The following BARD1 variants were observed in gnomAD, a reference collection of about 807,000 sequenced individuals.
The protein encoded by BARD1 is BRCA1 associated RING domain 1, also known as BRCA1-associated RING domain protein 1.
A neutral mutation model predicts 77.0 loss-of-function variants in BARD1; 73 were observed. The observed-to-expected ratio is 0.95, with a 90% CI of 0.79 to 1.15. The LOEUF (loss-of-function observed/expected upper bound fraction) is 1.15. Ranked by LOEUF, BARD1 falls within the 50% of genes most tolerant of loss-of-function variation. BARD1 has a pLI of 0.00. For missense variants in BARD1, 993 were observed against 938.8 expected (o/e 1.06, Z -0.75); for synonymous variants, 384 against 338.0 (o/e 1.14, Z -1.49).
chr2:214,744,920 C>T (rs577491078), intron 9 of BARD1, 147 bp downstream of exon 9: 4 of 748,936 alleles, frequency 5.3e-6, no homozygotes, highest in African/African-American at 1.7e-5. Context: ...CTTGAGCCAC[C>T]ACGCCCAGCC....
intron 6 of BARD1, among the ~76,000 whole-genome samples, chr2:214,755,570 A>C (rs909248853): frequency 1.3e-5 from 2 of 152,196 alleles, no homozygotes; most frequent in Non-Finnish European, 2.9e-5. Flanking sequence ...GAAATAGAAG[A>C]TAAGATTTAA....
At chr2:214,773,284 G>A (rs370426353) in intron 4 of BARD1, among the ~76,000 whole-genome samples, 101 of 152,230 alleles carry the variant, frequency 6.6e-4, no homozygotes, top group African/African-American at 2.4e-3. Flanking sequence ...TTACAATTAA[G>A]TATAAGACAA....
chr2:214,792,200 C>A, intron 3 of BARD1, 97 bp downstream of exon 3: 1 of 1,111,370 alleles, frequency 9.0e-7, no homozygotes, highest in Non-Finnish European at 1.3e-6. Context: ...AATACGTATT[C>A]CAGAACTCCA....
chr2:214,763,700 G>A (rs570060453), intron 6 of BARD1, among the ~76,000 whole-genome samples: 2 of 152,300 alleles, frequency 1.3e-5, no homozygotes, highest in East Asian at 1.9e-4. Context: ...TCCAGCAAGA[G>A]TAAGAGATAC....
intron 6 of BARD1, among the ~76,000 whole-genome samples, chr2:214,766,526 G>T (rs1002047060): frequency 6.6e-6 from 1 of 152,024 alleles, no homozygotes; most frequent in African/African-American, 2.4e-5. Context: ...TTCCAAAATT[G>T]ACAACTGTTT....
intron 1 of BARD1, among the ~76,000 whole-genome samples, chr2:214,807,430 C>T (rs1184168132): frequency 1.3e-5 from 2 of 152,202 alleles, no homozygotes; most frequent in Non-Finnish European, 2.9e-5. Context: ...TATATATTAT[C>T]TATTTTGTCT....
chr2:214,792,218 G>A, intron 3 of BARD1, 79 bp downstream of exon 3: 1 of 1,296,192 alleles, frequency 7.7e-7, no homozygotes, highest in Non-Finnish European at 1.1e-6. Flanking sequence ...CCAGATAGAT[G>A]TTTTATATAC....
chr2:214,801,227 G>T (rs966850631), intron 1 of BARD1, among the ~76,000 whole-genome samples: 2 of 151,808 alleles, frequency 1.3e-5, no homozygotes, highest in African/African-American at 4.8e-5. Flanking sequence ...TACAGCAAAA[G>T]ACCACAAACA....
At chr2:214,798,002 C>G (rs1044782032) in intron 1 of BARD1, among the ~76,000 whole-genome samples, 54 of 152,052 alleles carry the variant, frequency 3.6e-4, no homozygotes, top group African/African-American at 1.3e-3. Context: ...AGAAGTAAAG[C>G]CTTTTAAATG....
At chr2:214,740,507 T>C (rs1445312268) in intron 9 of BARD1, among the ~76,000 whole-genome samples, 1 of 152,104 alleles carries the variant, frequency 6.6e-6, no homozygotes, top group South Asian at 2.1e-4. Context: ...TTACTGCTCT[T>C]TGATTATTTT....
intron 4 of BARD1, among the ~76,000 whole-genome samples, chr2:214,777,993 C>T (rs551593031): frequency 9.9e-5 from 15 of 152,144 alleles, no homozygotes; most frequent in Middle Eastern, 3.4e-3. Context: ...GTGAGGAGTT[C>T]GAGACCAGCC....
At chr2:214,799,844 C>T (rs1695937138) in intron 1 of BARD1, among the ~76,000 whole-genome samples, 1 of 152,202 alleles carries the variant, frequency 6.6e-6, no homozygotes, top group African/African-American at 2.4e-5. Context: ...AGCTTTAACT[C>T]CCTCCACTCT....
At chr2:214,778,337 C>G (rs1272127850) in intron 4 of BARD1, among the ~76,000 whole-genome samples, 1 of 151,850 alleles carries the variant, frequency 6.6e-6, no homozygotes, top group Admixed American at 6.6e-5. Flanking sequence ...TAAAAGGACA[C>G]TATTAATTGG....
chr2:214,767,441 T>C, intron 6 of BARD1, 41 bp downstream of exon 6: 2 of 1,580,042 alleles, frequency 1.3e-6, no homozygotes, highest in South Asian at 1.1e-5. Flanking sequence ...TTCAAGAATA[T>C]AGGTCCATTT....
intron 6 of BARD1, among the ~76,000 whole-genome samples, chr2:214,763,688 G>A (rs1694063839): frequency 6.6e-6 from 1 of 152,168 alleles, no homozygotes; most frequent in Non-Finnish European, 1.5e-5. Context: ...TGAGAAAAGA[G>A]TTCCAGCAAG....
At chr2:214,798,738 C>G (rs2106149080) in intron 1 of BARD1, among the ~76,000 whole-genome samples, 1 of 149,978 alleles carries the variant, frequency 6.7e-6, no homozygotes, top group East Asian at 2.0e-4. Context: ...TCTTCCCTGC[C>G]CACTCAGGCT....
intron 1 of BARD1, among the ~76,000 whole-genome samples, chr2:214,809,121 T>C (rs994391141): frequency 1.3e-5 from 2 of 152,286 alleles, no homozygotes; most frequent in East Asian, 3.9e-4. Flanking sequence ...GCGACCGGGA[T>C]GAACATTTTT....
chr2:214,806,892 A>AG (rs1696301876), intron 1 of BARD1, among the ~76,000 whole-genome samples: 1 of 149,960 alleles, frequency 6.7e-6, no homozygotes, highest in African/African-American at 2.4e-5. Flanking sequence ...AAAAAAAAAA[A>AG]GGCACCCCAT....
At chr2:214,777,877 T>C (rs1694802914) in intron 4 of BARD1, among the ~76,000 whole-genome samples, 1 of 152,056 alleles carries the variant, frequency 6.6e-6, no homozygotes, top group Non-Finnish European at 1.5e-5. Flanking sequence ...AATGAGAAAA[T>C]TAGGATAGGA....
Sources: allele counts gnomAD v4.1 joint callset (sites outside exome capture counted in the v4.1 genomes callset), GRCh38; gene constraint gnomAD v4.1.1; transcripts MANE v1.5; gene names NCBI Gene and HGNC (gene_info 2026-07-23, HGNC 2026-07-21).